IQCM: variants seen among roughly 807,000 people sequenced by gnomAD.
IQCM encodes the protein IQ motif containing M.
IQCM carries 45 observed loss-of-function variants against 57.6 expected under a neutral mutation model. The observed-to-expected ratio is 0.78, with a 90% confidence interval of 0.62 to 1.00. IQCM has a LOEUF of 1.00. IQCM is among the 50% of genes least tolerant of loss of function. The probability of loss-of-function intolerance (pLI) is 0.00; values close to 1 mark genes in which losing one functional copy is unlikely to be tolerated. For synonymous variants in IQCM, 148 were observed against 158.9 expected (o/e 0.93, Z 0.51); for missense variants, 468 against 511.6 (o/e 0.91, Z 0.82).
chr4:149,446,950 T>C (rs748293008), intron 12 of IQCM, among the ~76,000 whole-genome samples: 1 of 151,556 alleles, frequency 6.6e-6, no homozygotes, highest in Non-Finnish European at 1.5e-5. Flanking sequence ...CATTTATTTA[T>C]TGAACAATTA....
chr4:149,664,113 T>C (rs990152149), intron 7 of IQCM, among the ~76,000 whole-genome samples: 3 of 152,162 alleles, frequency 2.0e-5, no homozygotes, highest in African/African-American at 7.2e-5. Context: ...CTTCATTCAT[T>C]GAATTCTTCA....
chr4:149,502,151 T>C lies in IQCM; in HGVS notation c.1228+46304A>G, dbSNP rs562963653. Among the ~76,000 whole-genome samples the C allele has an allele frequency of 1.9e-3, 278 of 149,548 alleles. 1 individual carries two copies. The highest frequency in any genetic ancestry group is 5.1e-3 in the African/African-American group (208 of 40,826). On this transcript the variant is annotated intron_variant, in intron 12 of 13. Coordinates refer to ENST00000636793, the MANE Select transcript of IQCM (RefSeq NM_001363507.2). ...ATAATTTTTTATAATTATATATATA[T>C]ACACACACACACACACACACATATA...
intron 12 of IQCM, among the ~76,000 whole-genome samples, chr4:149,469,982 A>C (rs932212732): frequency 6.6e-6 from 1 of 152,224 alleles, no homozygotes; most frequent in African/African-American, 2.4e-5. Flanking sequence ...AGCACTAAAC[A>C]TGGAAAGGAA....
At chr4:149,685,710 A>G (rs551938515) in intron 6 of IQCM, among the ~76,000 whole-genome samples, 2 of 151,718 alleles carry the variant, frequency 1.3e-5, no homozygotes, top group East Asian at 3.9e-4. Flanking sequence ...TGAAAAATAT[A>G]TTTTAGCAGA....
intron 7 of IQCM, among the ~76,000 whole-genome samples, chr4:149,622,262 T>C (rs1756403225): frequency 6.6e-6 from 1 of 152,160 alleles, no homozygotes; most frequent in South Asian, 2.1e-4. Flanking sequence ...GTCTCTGCAC[T>C]CTTTCAAAAA....
At chr4:149,787,172 T>G (rs1231465750) in intron 2 of IQCM, among the ~76,000 whole-genome samples, 1 of 151,834 alleles carries the variant, frequency 6.6e-6, no homozygotes, top group South Asian at 2.1e-4. Context: ...CTAGGGCCTG[T>G]TGGGGGATGG....
intron 1 of IQCM, 48 bp from the exon 2 acceptor site, chr4:149,815,396 A>C (rs1296266648): frequency 6.6e-6 from 1 of 151,966 alleles, no homozygotes; most frequent in Non-Finnish European, 1.5e-5. Flanking sequence ...CAGCTTGTAA[A>C]ACAAAAAACA....
chr4:149,492,402 G>GA (rs1196592386), intron 12 of IQCM, among the ~76,000 whole-genome samples: 1 of 151,622 alleles, frequency 6.6e-6, no homozygotes. Flanking sequence ...TCATTACTAA[G>GA]AAACACGTCT....
intron 7 of IQCM, among the ~76,000 whole-genome samples, chr4:149,654,737 C>T (rs928416714): frequency 6.6e-6 from 1 of 152,134 alleles, no homozygotes; most frequent in African/African-American, 2.4e-5. Context: ...TGGAGCACAA[C>T]ATCCAAGCCT....
chr4:149,460,876 C>T lies in IQCM; in HGVS notation c.1229-27319G>A, dbSNP rs1305780406. 3.3e-5 allele frequency among the ~76,000 whole-genome samples: 5 copies of T among 151,886 alleles called. No individual in the cohort carries two copies. The East Asian group carries it at 9.7e-4, about 29-fold the overall frequency. On this transcript the variant is annotated intron_variant, in intron 12 of 13. Coordinates refer to ENST00000636793, the MANE Select transcript of IQCM (RefSeq NM_001363507.2). The stretch of plus-strand genomic sequence containing the variant: ...AATGAGGTACTGATTTTCAAAGATC[C>T]CATTGGTCCCCTTGGCATACTAGTG...
intron 7 of IQCM, among the ~76,000 whole-genome samples, chr4:149,672,507 A>C (rs1185923041): frequency 1.3e-5 from 2 of 152,214 alleles, no homozygotes; most frequent in East Asian, 1.9e-4. Context: ...TGATTCGGTC[A>C]ACTGGAAGAA....
At chr4:149,528,271 C>A (rs1746377032) in intron 12 of IQCM, among the ~76,000 whole-genome samples, 1 of 152,086 alleles carries the variant, frequency 6.6e-6, no homozygotes. Flanking sequence ...CAGGCGTGAG[C>A]CACCACACCC....
chr4:149,532,936 G>A (rs1364622694), intron 12 of IQCM, among the ~76,000 whole-genome samples: 1 of 152,132 alleles, frequency 6.6e-6, no homozygotes, highest in East Asian at 1.9e-4. Flanking sequence ...CAAAGATGGA[G>A]GGCAGAGGTC....
intron 9 of IQCM, among the ~76,000 whole-genome samples, chr4:149,570,810 T>A (rs527548160): frequency 1.3e-5 from 2 of 152,116 alleles, no homozygotes; most frequent in East Asian, 3.9e-4. Context: ...TGATATTGAA[T>A]CAAAAGTTGC....
At chr4:149,633,388 TA>T (rs1757460120) in intron 7 of IQCM, among the ~76,000 whole-genome samples, 2 of 152,070 alleles carry the variant, frequency 1.3e-5, no homozygotes, top group African/African-American at 4.8e-5. Flanking sequence ...TCAATATAAG[TA>T]AAAGGCTAAG....
intron 12 of IQCM, among the ~76,000 whole-genome samples, chr4:149,522,600 A>T (rs1357386775): frequency 6.6e-6 from 1 of 152,232 alleles, no homozygotes; most frequent in Admixed American, 6.5e-5. Context: ...GGAGGAAATA[A>T]TTCAAGACAT....
At chr4:149,772,767 A>G (rs1770706355) in intron 2 of IQCM, among the ~76,000 whole-genome samples, 1 of 152,220 alleles carries the variant, frequency 6.6e-6, no homozygotes, top group African/African-American at 2.4e-5. Context: ...TCAAACAGAA[A>G]AGTGTCTAAA....
intron 12 of IQCM, among the ~76,000 whole-genome samples, chr4:149,509,402 C>T (rs1291844672): frequency 6.6e-6 from 1 of 151,960 alleles, no homozygotes; most frequent in Non-Finnish European, 1.5e-5. Context: ...CCTCAGTCTC[C>T]CCAGTAGCTG....
chr4:149,382,767 G>T (rs1396306670), intron 13 of IQCM, among the ~76,000 whole-genome samples: 1 of 151,916 alleles, frequency 6.6e-6, no homozygotes, highest in Non-Finnish European at 1.5e-5. Context: ...AACAATAAAG[G>T]CCCTATTATG....
Sources: gnomAD v4.1 joint callset for allele counts (sites outside exome capture counted in the v4.1 genomes callset) on GRCh38, gnomAD v4.1.1 for gene constraint, MANE v1.5 for transcripts, NCBI Gene and HGNC (gene_info 2026-07-23, HGNC 2026-07-21) for gene names.